The following SAMMSON variants were observed in gnomAD, a reference collection of about 807,000 sequenced individuals.
The protein encoded by SAMMSON is survival associated mitochondrial melanoma specific oncogenic non-coding RNA.
At chr3:70,119,107 C>T (rs1356167883) in intron 4 of SAMMSON, among the ~76,000 whole-genome samples, 1 of 152,108 alleles carries the variant, frequency 6.6e-6, no homozygotes, top group Non-Finnish European at 1.5e-5. Context: ...GCTCTTGTTA[C>T]CCAAGCTGGA....
chr3:70,306,804 G>A (rs917416402), intron 7 of SAMMSON, among the ~76,000 whole-genome samples: 1 of 152,062 alleles, frequency 6.6e-6, no homozygotes, highest in African/African-American at 2.4e-5. Context: ...CTAGTTTTCT[G>A]AAGGACAAAA....
intron 4 of SAMMSON, among the ~76,000 whole-genome samples, chr3:70,213,760 T>C (rs1228285426): frequency 6.6e-6 from 1 of 152,142 alleles, no homozygotes; most frequent in African/African-American, 2.4e-5. Flanking sequence ...TAATACAATA[T>C]ATAAAATACA....
intron 4 of SAMMSON, among the ~76,000 whole-genome samples, chr3:70,185,740 T>C (rs544837220): frequency 6.9e-6 from 1 of 145,908 alleles, no homozygotes; most frequent in Non-Finnish European, 1.5e-5. Context: ...CACATGCCTG[T>C]AGTTCCAGCT....
At chr3:70,349,147 G>T (rs756692647) in intron 7 of SAMMSON, among the ~76,000 whole-genome samples, 1 of 152,238 alleles carries the variant, frequency 6.6e-6, no homozygotes, top group East Asian at 1.9e-4. Context: ...GGCCGAGGTG[G>T]GAGGATCACC....
chr3:70,307,758 G>A (rs1009668040), intron 7 of SAMMSON, among the ~76,000 whole-genome samples: 1 of 152,086 alleles, frequency 6.6e-6, no homozygotes, highest in Non-Finnish European at 1.5e-5. Flanking sequence ...CTGTTTCTTA[G>A]TTCTTGTCCT....
intron 4 of SAMMSON, among the ~76,000 whole-genome samples, chr3:70,164,377 C>G (rs868714373): frequency 1.3e-5 from 2 of 151,878 alleles, no homozygotes; most frequent in Admixed American, 6.6e-5. Context: ...GGCTATCATC[C>G]AAAGAGGGCC....
chr3:70,217,580 T>C (rs1170294724), intron 4 of SAMMSON, among the ~76,000 whole-genome samples: 2 of 152,152 alleles, frequency 1.3e-5, no homozygotes, highest in East Asian at 3.9e-4. Context: ...TGTCCAATTT[T>C]TCCTAGAGCT....
chr3:70,130,943 A>T (rs1396898733), intron 4 of SAMMSON, among the ~76,000 whole-genome samples: 1 of 152,150 alleles, frequency 6.6e-6, no homozygotes, highest in Non-Finnish European at 1.5e-5. Flanking sequence ...TGGTTGTTTT[A>T]TGCCACTAGG....
At chr3:70,362,084 A>C (rs968997899) in intron 9 of SAMMSON, among the ~76,000 whole-genome samples, 10 of 152,172 alleles carry the variant, frequency 6.6e-5, no homozygotes, top group African/African-American at 2.4e-4. Context: ...TTCTGTGTTA[A>C]ATGCCTGTAA....
At chr3:70,196,371 T>G (rs932920147) in intron 4 of SAMMSON, among the ~76,000 whole-genome samples, 5 of 152,216 alleles carry the variant, frequency 3.3e-5, no homozygotes. Flanking sequence ...TCTAATTCAT[T>G]TAATTCCCTT....
At chr3:70,302,172 G>A (rs1702355546) in intron 7 of SAMMSON, among the ~76,000 whole-genome samples, 2 of 152,098 alleles carry the variant, frequency 1.3e-5, no homozygotes, top group Admixed American at 6.6e-5. Flanking sequence ...TTCTCGACAG[G>A]CTTAAATAAT....
intron 4 of SAMMSON, among the ~76,000 whole-genome samples, chr3:70,073,954 G>A (rs2067239046): frequency 6.6e-6 from 1 of 151,962 alleles, no homozygotes; most frequent in Admixed American, 6.6e-5. Flanking sequence ...TGTAAGTAAA[G>A]TCTCTGGCTT....
At chr3:70,243,697 G>A (rs1410128993) in intron 4 of SAMMSON, among the ~76,000 whole-genome samples, 3 of 152,144 alleles carry the variant, frequency 2.0e-5, no homozygotes, top group Admixed American at 6.5e-5. Flanking sequence ...TATTCCTAAC[G>A]TCCCCTGGGG....
intron 2 of SAMMSON, among the ~76,000 whole-genome samples, chr3:70,397,745 A>C (rs9825323): frequency 0.64 from 96,476 of 151,884 alleles, 30,746 homozygotes; most frequent in Middle Eastern, 0.68. Context: ...TGATCTAATT[A>C]CCTTCAGAAA....
In SAMMSON at chr3:70,355,982, C is replaced by CT. The variant is rs1479914783; in HGVS notation, n.842+1705_842+1706insT. On this transcript the variant is annotated intron_variant and non_coding_transcript_variant, in intron 8 of 9. Coordinates refer to ENST00000642114, the Ensembl canonical transcript of SAMMSON. ...AAACTAGGAGAGACAAAAAGACATA[C>CT]ATTTGTCATAATAATTAAAATGAAG... Among the ~76,000 whole-genome samples the CT allele has an allele frequency of 4.6e-5, 7 of 152,232 alleles. No individual in the cohort carries two copies. In the East Asian group the frequency reaches 1.4e-3, roughly 29 times the overall value.
intron 3 of SAMMSON, among the ~76,000 whole-genome samples, chr3:70,045,147 A>C (rs1559779836): frequency 7.6e-6 from 1 of 131,204 alleles, no homozygotes; most frequent in African/African-American, 2.8e-5. Context: ...TAATTTATAT[A>C]TATTAATTAT....
At chr3:70,372,798 T>G (rs1168256055) in intron 9 of SAMMSON, among the ~76,000 whole-genome samples, 1 of 152,194 alleles carries the variant, frequency 6.6e-6, no homozygotes, top group East Asian at 1.9e-4. Context: ...TATGTTTAAG[T>G]ATAATTCTTT....
At chr3:70,397,585 G>A (rs1420010154) in intron 2 of SAMMSON, among the ~76,000 whole-genome samples, 1 of 152,116 alleles carries the variant, frequency 6.6e-6, no homozygotes, top group East Asian at 1.9e-4. Flanking sequence ...TTAACAATAT[G>A]TGTGTGTGAT....
chr3:70,273,342 C>CT (rs1701992646), intron 6 of SAMMSON, among the ~76,000 whole-genome samples: 1 of 152,172 alleles, frequency 6.6e-6, no homozygotes, highest in Non-Finnish European at 1.5e-5. Context: ...CTTATCACCT[C>CT]TTTTTTCTTC....
Sources: allele counts gnomAD v4.1 joint callset (sites outside exome capture counted in the v4.1 genomes callset), GRCh38; gene constraint gnomAD v4.1.1; transcripts MANE v1.5; gene names NCBI Gene and HGNC (gene_info 2026-07-23, HGNC 2026-07-21).